Variants in MYT1L observed in about 807,000 individuals in gnomAD.
MYT1L encodes the protein myelin transcription factor 1-like protein.
In MYT1L, 12 loss-of-function variants were observed where a neutral mutation model predicts 126.7. The observed-to-expected ratio is 0.09, with a 90% CI of 0.06 to 0.15. MYT1L has a LOEUF of 0.15. MYT1L is among the 10% of genes least tolerant of loss of function. The pLI, the probability that MYT1L is intolerant of heterozygous loss-of-function variation, is 1.00. For missense variants in MYT1L, 979 were observed against 1,585.2 expected (o/e 0.62, Z 6.49); for synonymous variants, 541 against 604.2 (o/e 0.90, Z 1.53).
chr2:2,129,139 G>C (rs1031516014), intron 3 of MYT1L, among the ~76,000 whole-genome samples: 3 of 152,136 alleles, frequency 2.0e-5, no homozygotes, highest in African/African-American at 7.2e-5. Flanking sequence ...CACAAACCCA[G>C]AGCAAGACCT....
At chr2:1,828,283 T>C (rs971757872) in intron 21 of MYT1L, 1 of 152,024 alleles carries the variant, frequency 6.6e-6, no homozygotes, top group African/African-American at 2.4e-5. Flanking sequence ...CTGTTTTACT[T>C]ATGGAATTCC....
At chr2:1,843,642 G>C (rs1451178089) in intron 19 of MYT1L, among the ~76,000 whole-genome samples, 1 of 151,996 alleles carries the variant, frequency 6.6e-6, no homozygotes, top group African/African-American at 2.4e-5. Flanking sequence ...CCTACCCAGG[G>C]AGAATTAAAG....
chr2:2,078,126 T>G (rs999404926), intron 3 of MYT1L, among the ~76,000 whole-genome samples: 2 of 152,150 alleles, frequency 1.3e-5, no homozygotes, highest in East Asian at 3.9e-4. Flanking sequence ...CTGAACTAGG[T>G]TGCTTCAAGT....
chr2:1,992,323 T>A (rs1436673902), intron 5 of MYT1L, among the ~76,000 whole-genome samples: 9 of 152,128 alleles, frequency 5.9e-5, no homozygotes, highest in Non-Finnish European at 1.0e-4. Flanking sequence ...TATCAAATAA[T>A]TTATCACATT....
intron 22 of MYT1L, among the ~76,000 whole-genome samples, chr2:1,805,123 C>T (rs189102581): frequency 2.0e-4 from 31 of 152,076 alleles, no homozygotes; most frequent in Non-Finnish European, 3.1e-4. Context: ...GATCACTCCA[C>T]GGATAAAGAA....
At chr2:2,045,195 T>G (rs547413863) in intron 4 of MYT1L, among the ~76,000 whole-genome samples, 42 of 152,340 alleles carry the variant, frequency 2.8e-4, no homozygotes, top group Middle Eastern at 3.4e-3. Context: ...GAAACTCCCA[T>G]TAGCACTAAT....
At chr2:1,859,859 C>T (rs1250864731) in intron 18 of MYT1L, among the ~76,000 whole-genome samples, 1 of 152,248 alleles carries the variant, frequency 6.6e-6, no homozygotes, top group Admixed American at 6.5e-5. Context: ...ATGAGAGGGG[C>T]TCTGGGAAAG....
At chr2:1,849,359 T>A (rs998430239) in intron 19 of MYT1L, among the ~76,000 whole-genome samples, 1 of 152,036 alleles carries the variant, frequency 6.6e-6, no homozygotes, top group Non-Finnish European at 1.5e-5. Flanking sequence ...AATTTTTTTT[T>A]AATCTAAACC....
intron 3 of MYT1L, among the ~76,000 whole-genome samples, chr2:2,131,208 T>C (rs1170105871): frequency 6.6e-6 from 1 of 152,098 alleles, no homozygotes; most frequent in Non-Finnish European, 1.5e-5. Flanking sequence ...CTCGTGCAGC[T>C]CGGAGGAAAA....
At chr2:2,217,573 C>T (rs1330298803) in intron 2 of MYT1L, among the ~76,000 whole-genome samples, 1 of 151,474 alleles carries the variant, frequency 6.6e-6, no homozygotes, top group Non-Finnish European at 1.5e-5. Flanking sequence ...ATCCCAGCTA[C>T]TTGAGAGGCT....
intron 4 of MYT1L, among the ~76,000 whole-genome samples, chr2:2,010,755 C>T (rs762085614): frequency 6.6e-6 from 1 of 152,114 alleles, no homozygotes; most frequent in African/African-American, 2.4e-5. Context: ...AAACACTTCC[C>T]GACTTCAAAA....
At chr2:2,250,386 T>C (rs1465766430) in intron 2 of MYT1L, among the ~76,000 whole-genome samples, 2 of 152,158 alleles carry the variant, frequency 1.3e-5, no homozygotes, top group African/African-American at 4.8e-5. Context: ...GAAATTATTA[T>C]GTTAAAAGCA....
chr2:2,030,477 A>T (rs1178724608), intron 4 of MYT1L, among the ~76,000 whole-genome samples: 2 of 152,202 alleles, frequency 1.3e-5, no homozygotes, highest in Non-Finnish European at 2.9e-5. Flanking sequence ...TGTTATGTGT[A>T]TACTCTTTTA....
chr2:1,991,731 C>A lies in MYT1L; in HGVS notation c.-1+5460G>T, dbSNP rs566716908. 2.0e-4 allele frequency among the ~76,000 whole-genome samples: 30 copies of A among 152,266 alleles called. No individual in the cohort carries two copies. The South Asian group carries it at 5.8e-3, about 29-fold the overall frequency. On this transcript the variant is annotated intron_variant, in intron 5 of 24. Transcript: ENST00000647738. ...AACGGCTAACCTGCCCTCTCTCATG[C>A]AGTCAGGACCCTGTTGGCTATCACT...
At chr2:2,209,643 TA>T (rs905023366) in intron 2 of MYT1L, among the ~76,000 whole-genome samples, 3 of 152,316 alleles carry the variant, frequency 2.0e-5, no homozygotes, top group South Asian at 2.1e-4. Context: ...AATTTTTAAT[TA>T]AAAAATATAT....
At chr2:1,921,592 T>C (rs1037305888) in intron 10 of MYT1L, among the ~76,000 whole-genome samples, 1 of 152,224 alleles carries the variant, frequency 6.6e-6, no homozygotes. Flanking sequence ...AAAAGCGCCA[T>C]AACTGTTTCC....
At chr2:2,223,580 CA>C (rs1228819937) in intron 2 of MYT1L, among the ~76,000 whole-genome samples, 1 of 152,156 alleles carries the variant, frequency 6.6e-6, no homozygotes, top group African/African-American at 2.4e-5. Flanking sequence ...TGTCACATTG[CA>C]GGGAAATTTA....
intron 1 of MYT1L, among the ~76,000 whole-genome samples, chr2:2,317,202 A>G (rs546069439): frequency 1.4e-4 from 22 of 152,306 alleles, no homozygotes; most frequent in African/African-American, 5.1e-4. Context: ...GTCCCAGATT[A>G]GACTCATCAA....
chr2:1,981,909 G>A (rs1420834515), intron 5 of MYT1L, among the ~76,000 whole-genome samples: 1 of 152,128 alleles, frequency 6.6e-6, no homozygotes, highest in African/African-American at 2.4e-5. Flanking sequence ...AAAGAAATGG[G>A]TTTAAAAAAC....
Sources: allele counts gnomAD v4.1 joint callset (sites outside exome capture counted in the v4.1 genomes callset), GRCh38; gene constraint gnomAD v4.1.1; transcripts MANE v1.5; gene names NCBI Gene and HGNC (gene_info 2026-07-23, HGNC 2026-07-21).